Variants in NRG3 observed in about 807,000 individuals in gnomAD.
NRG3 encodes the protein neuregulin 3.
Under a neutral mutation model 66.9 loss-of-function variants are expected in NRG3, and 31 were observed. The ratio of observed to expected loss-of-function variants is 0.46; its 90% confidence interval spans 0.35 to 0.63. NRG3 has a LOEUF of 0.63. Ranked by LOEUF, NRG3 falls within the 20% of genes least tolerant of loss-of-function variation. The pLI is 0.00. For missense variants in NRG3, 910 were observed against 878.9 expected (o/e 1.04, Z -0.45); for synonymous variants, 393 against 359.4 (o/e 1.09, Z -1.06).
At chr10:82,059,108 CCG>C (rs534834051) in intron 1 of NRG3, among the ~76,000 whole-genome samples, 173 of 152,166 alleles carry the variant, frequency 1.1e-3, no homozygotes, top group Admixed American at 7.1e-3. Context: ...CAGAATGAAG[CCG>C]GACAGGAACA....
At chr10:82,095,486 A>G (rs559469532) in intron 1 of NRG3, among the ~76,000 whole-genome samples, 7 of 152,212 alleles carry the variant, frequency 4.6e-5, no homozygotes, top group Non-Finnish European at 7.3e-5. Context: ...ATACATTTCA[A>G]CAATTGCTGA....
intron 2 of NRG3, among the ~76,000 whole-genome samples, chr10:82,585,288 T>A (rs1006878937): frequency 5.9e-5 from 9 of 152,186 alleles, no homozygotes; most frequent in African/African-American, 2.2e-4. Context: ...AGCTCATTCA[T>A]ATCAATTGAC....
At chr10:82,634,852 A>G (rs1351454914) in intron 2 of NRG3, among the ~76,000 whole-genome samples, 2 of 152,174 alleles carry the variant, frequency 1.3e-5, no homozygotes, top group African/African-American at 4.8e-5. Flanking sequence ...ATTGTTATAA[A>G]TTGTAGGGGT....
intron 2 of NRG3, among the ~76,000 whole-genome samples, chr10:82,709,366 G>GT (rs2056514159): frequency 6.8e-6 from 1 of 146,532 alleles, no homozygotes; most frequent in Admixed American, 6.7e-5. Context: ...GTTTTTTTTT[G>GT]TTTTTGTTTT....
In NRG3 at chr10:82,944,679, T is replaced by C. The variant is rs146873500; in HGVS notation, c.1055-6790T>C. On this transcript the variant is annotated intron_variant, in intron 4 of 8. Coordinates refer to ENST00000372141, the MANE Select transcript of NRG3 (RefSeq NM_001010848.4). ...GCCCCTCTCGACTTACTAAGAAATGTAGACAATGTGATATTTTTTAGGTTT... is the reference window on the plus strand; with the variant it reads ...GCCCCTCTCGACTTACTAAGAAATGCAGACAATGTGATATTTTTTAGGTTT... 2.5e-3 allele frequency among the ~76,000 whole-genome samples: 385 copies of C among 152,316 alleles called. 1 individual carries two copies. The highest frequency in any genetic ancestry group is 8.7e-3 in the African/African-American group (362 of 41,560).
At chr10:82,152,007 G>T (rs1390752343) in intron 1 of NRG3, among the ~76,000 whole-genome samples, 2 of 152,176 alleles carry the variant, frequency 1.3e-5, no homozygotes, top group Non-Finnish European at 2.9e-5. Flanking sequence ...GCCTGGGACA[G>T]GGAGAATACT....
At chr10:82,330,891 C>T (rs2082109604) in intron 1 of NRG3, among the ~76,000 whole-genome samples, 1 of 152,166 alleles carries the variant, frequency 6.6e-6, no homozygotes, top group Admixed American at 6.5e-5. Context: ...CATTTAATGT[C>T]TCAGTTCTGG....
At chr10:82,923,956 G>A (rs1332225684) in intron 4 of NRG3, among the ~76,000 whole-genome samples, 1 of 151,712 alleles carries the variant, frequency 6.6e-6, no homozygotes, top group African/African-American at 2.4e-5. Flanking sequence ...AAATTAGCTG[G>A]GCATGGTGGC....
At chr10:82,479,361 AG>A (rs1342864306) in intron 2 of NRG3, among the ~76,000 whole-genome samples, 4 of 152,186 alleles carry the variant, frequency 2.6e-5, no homozygotes, top group Admixed American at 1.3e-4. Flanking sequence ...ACAGAGAGGA[AG>A]GGGGGAAGAG....
chr10:82,331,600 G>GA (rs911246767), intron 1 of NRG3, among the ~76,000 whole-genome samples: 5 of 151,010 alleles, frequency 3.3e-5, no homozygotes, highest in Admixed American at 6.6e-5. Flanking sequence ...ACATCAGAAG[G>GA]AAAAAAAAAT....
Position 82,164,766 on chromosome 10 carries a change from C to A in NRG3, c.824-193973C>A, listed in dbSNP as rs546655253. On this transcript the variant is annotated intron_variant, in intron 1 of 8. Transcript: ENST00000372141. The stretch of plus-strand genomic sequence containing the variant: ...CATATTAGGAAAACTAGGTGGGGAG[C>A]TAGTTTGGGGAAGGAAAGCAAATAA... Among the ~76,000 whole-genome samples, 6 of 152,130 alleles carry A rather than the reference C, an allele frequency of 3.9e-5. No homozygotes were observed. The South Asian group carries it at 1.2e-3, about 32-fold the overall frequency.
intron 1 of NRG3, among the ~76,000 whole-genome samples, chr10:82,004,787 G>A (rs1394044715): frequency 6.6e-6 from 1 of 152,214 alleles, no homozygotes; most frequent in African/African-American, 2.4e-5. Context: ...GGCAGGCACA[G>A]AAGAAAGACC....
chr10:82,648,267 T>C (rs2051118690), intron 2 of NRG3, among the ~76,000 whole-genome samples: 3 of 152,128 alleles, frequency 2.0e-5, no homozygotes, highest in Admixed American at 1.3e-4. Flanking sequence ...AGGGAATCGT[T>C]TCCCCATTGC....
At chr10:82,556,927 T>A (rs1200556385) in intron 2 of NRG3, among the ~76,000 whole-genome samples, 1 of 152,204 alleles carries the variant, frequency 6.6e-6, no homozygotes, top group African/African-American at 2.4e-5. Flanking sequence ...TTACTAAGGA[T>A]AATGGCCTCC....
chr10:82,573,577 T>G (rs1373951555), intron 2 of NRG3, among the ~76,000 whole-genome samples: 1 of 151,828 alleles, frequency 6.6e-6, no homozygotes, highest in Non-Finnish European at 1.5e-5. Context: ...ATTTCCAAAT[T>G]GAAGTGCTTA....
intron 1 of NRG3, among the ~76,000 whole-genome samples, chr10:82,248,757 A>G (rs745530199): frequency 6.6e-6 from 1 of 152,158 alleles, no homozygotes; most frequent in Non-Finnish European, 1.5e-5. Flanking sequence ...CTTCCAGTAC[A>G]TTCTGTACAC....
chr10:82,233,736 A>G (rs1204773549), intron 1 of NRG3, among the ~76,000 whole-genome samples: 2 of 152,126 alleles, frequency 1.3e-5, no homozygotes, highest in East Asian at 1.9e-4. Flanking sequence ...ACCATCAGCC[A>G]ACCAGGAGGT....
intron 1 of NRG3, among the ~76,000 whole-genome samples, chr10:81,946,664 A>G (rs1486172596): frequency 6.6e-6 from 1 of 152,154 alleles, no homozygotes; most frequent in Non-Finnish European, 1.5e-5. Context: ...ATGTGCAGCT[A>G]AAGCCATGGG....
chr10:82,002,730 C>T (rs534345203), intron 1 of NRG3, among the ~76,000 whole-genome samples: 2 of 152,276 alleles, frequency 1.3e-5, no homozygotes, highest in South Asian at 4.2e-4. Flanking sequence ...CATACAAATT[C>T]CTGCTTCTTA....
Sources: gnomAD v4.1 joint callset for allele counts (sites outside exome capture counted in the v4.1 genomes callset) on GRCh38, gnomAD v4.1.1 for gene constraint, MANE v1.5 for transcripts, NCBI Gene and HGNC (gene_info 2026-07-23, HGNC 2026-07-21) for gene names.